CMKLR2: variants seen among roughly 807,000 people sequenced by gnomAD.
The protein encoded by CMKLR2 is chemerin chemokine-like receptor 2.
In CMKLR2, 18 loss-of-function variants were observed where a neutral mutation model predicts 23.0. The ratio of observed to expected loss-of-function variants is 0.78; its 90% confidence interval spans 0.54 to 1.16. CMKLR2 has a LOEUF of 1.16. CMKLR2 is among the 50% of genes most tolerant of loss of function. CMKLR2 has a pLI of 0.00. For synonymous variants in CMKLR2, 158 were observed against 158.9 expected, an observed-to-expected ratio of 0.99 and a Z score of 0.05; for missense variants, 401 against 412.7, an observed-to-expected ratio of 0.97 and a Z score of 0.25.
chr2:206,177,752 A>G (rs1688279815), intron 1 of CMKLR2, among the ~76,000 whole-genome samples: 1 of 152,162 alleles, frequency 6.6e-6, no homozygotes, highest in African/African-American at 2.4e-5. Context: ...GGTGAGCCTC[A>G]GTTTCACTCT....
At chr2:206,204,531 T>C (rs990023326) in intron 1 of CMKLR2, among the ~76,000 whole-genome samples, 2 of 151,990 alleles carry the variant, frequency 1.3e-5, no homozygotes, top group African/African-American at 4.8e-5. Flanking sequence ...TCATTTGTGG[T>C]TACTGTTTTC....
At chr2:206,206,938 T>A (rs1689346243) in intron 1 of CMKLR2, among the ~76,000 whole-genome samples, 1 of 145,508 alleles carries the variant, frequency 6.9e-6, no homozygotes, top group South Asian at 2.2e-4. Context: ...TTTTTTTTAA[T>A]CAAAAGCATT....
intron 1 of CMKLR2, among the ~76,000 whole-genome samples, chr2:206,210,169 G>A (rs191678301): frequency 1.3e-5 from 2 of 150,540 alleles, no homozygotes; most frequent in East Asian, 2.0e-4. Flanking sequence ...TCACCATGTC[G>A]GCCAGGCTCA....
upstream of CMKLR2, among the ~76,000 whole-genome samples, chr2:206,214,693 G>A (rs1689692724): frequency 6.6e-6 from 1 of 151,694 alleles, no homozygotes; most frequent in African/African-American, 2.4e-5. Context: ...GCACGATCTC[G>A]GCTCACTGCA....
intron 1 of CMKLR2, among the ~76,000 whole-genome samples, chr2:206,205,861 G>A (rs1417721408): frequency 2.6e-5 from 4 of 151,672 alleles, no homozygotes; most frequent in South Asian, 2.1e-4. Context: ...CACCATGCCC[G>A]GCTAATTTTG....
chr2:206,198,985 A>G (rs1203577776), intron 1 of CMKLR2, among the ~76,000 whole-genome samples: 1 of 152,212 alleles, frequency 6.6e-6, no homozygotes, highest in African/African-American at 2.4e-5. Context: ...GAAGAAATAG[A>G]ATTTCCACTT....
chr2:206,180,714 G>A (rs940243982), intron 1 of CMKLR2, among the ~76,000 whole-genome samples: 1 of 144,040 alleles, frequency 6.9e-6, no homozygotes, highest in Non-Finnish European at 1.5e-5. Flanking sequence ...AATTACAGGA[G>A]TGAGTAACTG....
chr2:206,195,156 G>A (rs968797637), intron 1 of CMKLR2, among the ~76,000 whole-genome samples: 3 of 152,166 alleles, frequency 2.0e-5, no homozygotes, highest in African/African-American at 7.2e-5. Flanking sequence ...AGTTTGTTGA[G>A]TTCTGCAAAA....
In CMKLR2 at chr2:206,177,193, G is replaced by A. The variant is rs1688259676; in HGVS notation, c.55C>T (p.Leu19=). 4 of 1,613,106 alleles carry A rather than the reference G, an allele frequency of 2.5e-6. No individual in the cohort carries two copies. Among genetic ancestry groups the A allele is most frequent in the Admixed American group, 1.7e-5 (1 of 59,866 alleles). The change falls in exon 2 of 2, where the codon CTA becomes TTA. Residue 19 remains leucine, a synonymous_variant. Coordinates refer to ENST00000621141, the MANE Select transcript of CMKLR2 (RefSeq NM_001389445.1). ...TCAGACTCCAGAGAGTAATAGTCTA[G>A]GTCATAGGAATAGTTTTCAAATTCT... ...FEEFENYSYD[L]DYYSLESDLE... is the part of the protein sequence containing the mutation.
chr2:206,205,057 G>C (rs752750531), intron 1 of CMKLR2, among the ~76,000 whole-genome samples: 4 of 152,150 alleles, frequency 2.6e-5, no homozygotes, highest in Non-Finnish European at 4.4e-5. Context: ...CTTAGGAAGA[G>C]ATACATTTTG....
rs1031195907 is a variant in CMKLR2, at chr2:206,175,396, T to C, written c.*784A>G. The C allele has an allele frequency of 7.9e-5, 12 of 152,248 alleles. No individual in the cohort carries two copies. Among genetic ancestry groups the C allele is most frequent in the Non-Finnish European group, 1.3e-4 (9 of 68,046 alleles). The allele number at this position is 152,248 out of a possible 1,614,324, so 9.4% of individuals were successfully genotyped here. ...AAAGAAATTAAGTACACATGTTGCA[T>C]TTTAAAAATGTGTCTAGCAGGTTAT... is the stretch of plus-strand genomic sequence containing the variant. On this transcript the variant is annotated 3_prime_UTR_variant, in exon 2 of 2. Coordinates refer to ENST00000621141, the MANE Select transcript of CMKLR2 (RefSeq NM_001389445.1).
chr2:206,212,173 C>T (rs1443563758), intron 1 of CMKLR2, among the ~76,000 whole-genome samples: 2 of 152,052 alleles, frequency 1.3e-5, no homozygotes, highest in African/African-American at 4.8e-5. Context: ...TTAACATGAT[C>T]TGTTATTAAA....
Position 206,176,214 on chromosome 2 carries a change from GT to G in CMKLR2, c.1033del (p.Thr345ProfsTer30). The G allele has an allele frequency of 6.2e-7, 1 of 1,612,846 alleles. No homozygotes were observed. Among genetic ancestry groups the G allele is most frequent in the Middle Eastern group, 1.7e-4 (1 of 6,056 alleles). ...TGTTTCCAGGAGACACAGATTCTTG[GT>G]TTCTGAGTTCCTGAGCTGTTCACTC... ...TVSEQLRNSE[T>X]KNLCLLETAQ On this transcript the variant is annotated frameshift_variant, in exon 2 of 2. Transcript: ENST00000621141. LOFTEE classifies it high-confidence loss of function.
chr2:206,213,979 G>T (rs192252959), upstream of CMKLR2, among the ~76,000 whole-genome samples: 315 of 149,954 alleles, frequency 2.1e-3, 2 homozygotes, highest in Non-Finnish European at 3.5e-3. Flanking sequence ...TCAGCCTCTG[G>T]AGTAGCTGAG....
At chr2:206,214,672 G>C (rs1689692023), upstream of CMKLR2, among the ~76,000 whole-genome samples, 1 of 151,922 alleles carries the variant, frequency 6.6e-6, no homozygotes. Flanking sequence ...TGCCCAGGAT[G>C]GAGTGCAGTG....
intron 1 of CMKLR2, among the ~76,000 whole-genome samples, chr2:206,189,879 C>A (rs1241885909): frequency 6.6e-6 from 1 of 152,142 alleles, no homozygotes; most frequent in Non-Finnish European, 1.5e-5. Flanking sequence ...AACTATACTA[C>A]ACCCCAGAAT....
intron 1 of CMKLR2, among the ~76,000 whole-genome samples, chr2:206,199,536 T>C (rs563020745): frequency 6.6e-6 from 1 of 152,028 alleles, no homozygotes; most frequent in East Asian, 1.9e-4. Flanking sequence ...GACCTTCAAA[T>C]AGAAAACATA....
Position 206,176,523 on chromosome 2 carries a change from C to T in CMKLR2, c.725G>A (p.Ser242Asn). 1 of 1,614,162 alleles carries T rather than the reference C, an allele frequency of 6.2e-7. No homozygotes were observed. The highest frequency in any genetic ancestry group is 2.2e-5 in the East Asian group (1 of 44,892). The stretch of plus-strand genomic sequence containing the variant: ...AACCAGAATTGTCCAGAAATGCCTA[C>T]TGGAGATCAGGATGCTTCGCTTCTT... The part of the protein sequence containing the change: ...KVKKRSILIS[S>N]RHFWTILVVV... The change falls in exon 2 of 2, where the codon AGT becomes AAT. Residue 242 changes from serine (S) to asparagine (N), a missense_variant. By Grantham distance (46) the Ser-to-Asn change is conservative. Coordinates refer to ENST00000621141, the MANE Select transcript of CMKLR2 (RefSeq NM_001389445.1).
Position 206,175,797 on chromosome 2 carries a change from A to G in CMKLR2, c.*383T>C, listed in dbSNP as rs1001144056. ...CAGGTGTCAGCCACCGTGCCTGGCT[A>G]ATCATATATTTAATATTAAGACTTA... On this transcript the variant is annotated 3_prime_UTR_variant, in exon 2 of 2. Transcript: ENST00000621141. 6.5e-6 allele frequency: 1 copy of G among 154,858 alleles called. No homozygotes were observed. Among genetic ancestry groups the G allele is most frequent in the Admixed American group, 6.5e-5 (1 of 15,450 alleles). 9.6% of individuals were successfully genotyped at this position (154,858 alleles called of 1,614,324 possible).
Sources: allele counts gnomAD v4.1 joint callset (sites outside exome capture counted in the v4.1 genomes callset), GRCh38; gene constraint gnomAD v4.1.1; transcripts MANE v1.5; gene names NCBI Gene and HGNC (gene_info 2026-07-23, HGNC 2026-07-21).